Variants in SPO11 observed in about 807,000 individuals in gnomAD.
The protein encoded by SPO11 is meiotic recombination protein SPO11.
SPO11 carries 49 observed loss-of-function variants against 51.6 expected under a neutral mutation model. The observed-to-expected ratio is 0.95, with a 90% confidence interval of 0.75 to 1.20. SPO11 has a LOEUF of 1.20. SPO11 is among the 50% of genes most tolerant of loss of function. The probability of loss-of-function intolerance (pLI) is 0.00; values close to 1 mark genes in which losing one functional copy is unlikely to be tolerated. For synonymous variants in SPO11, 176 were observed against 158.2 expected (o/e 1.11, Z -0.84); for missense variants, 431 against 473.4 (o/e 0.91, Z 0.83).
At chr20:57,330,459 C>T (rs1243805868) in intron 1 of SPO11, among the ~76,000 whole-genome samples, 1 of 151,804 alleles carries the variant, frequency 6.6e-6, no homozygotes, top group Non-Finnish European at 1.5e-5. Context: ...ATGGTTTTCT[C>T]AGAATTAACA....
At chr20:57,331,516 A>T (rs2066449951) in intron 1 of SPO11, among the ~76,000 whole-genome samples, 1 of 152,254 alleles carries the variant, frequency 6.6e-6, no homozygotes, top group Non-Finnish European at 1.5e-5. Context: ...ATAAAATTAC[A>T]GTTGTAAATT....
intron 2 of SPO11, among the ~76,000 whole-genome samples, chr20:57,332,299 A>C (rs932104972): frequency 1.3e-5 from 2 of 152,212 alleles, no homozygotes; most frequent in African/African-American, 4.8e-5. Context: ...TGCAATTCTC[A>C]CATATGCCAC....
At position 57,331,875 on chromosome 20, in the gene SPO11, A is replaced by G; in HGVS notation, c.174A>G (p.Ile58Met). 6.2e-7 allele frequency: 1 copy of G among 1,607,994 alleles called. No individual in the cohort carries two copies. The highest frequency in any genetic ancestry group is 1.1e-5 in the South Asian group (1 of 89,566). ...CTATAGAAAATATTATCCAAGACATAATCACAAGCTTGGCAAGAAATGAAG... is the reference window on the plus strand; with the variant it reads ...CTATAGAAAATATTATCCAAGACATGATCACAAGCTTGGCAAGAAATGAAG... ...LASIENIIQDIITSLARNEAP... is the reference protein window; with the variant it reads ...LASIENIIQDMITSLARNEAP... Residue 58 changes from isoleucine (I) to methionine (M), a missense_variant, in exon 2 of 13, where the codon ATA (isoleucine) becomes ATG (methionine). By Grantham distance (10) the Ile-to-Met change is conservative (BLOSUM62 1). This residue lies in a region of SPO11 where 405 missense variants were observed against 425.9 expected (regional missense o/e 0.95). Transcript: ENST00000371263.
chr20:57,342,861 C>G (rs781236665), intron 12 of SPO11, 21 bp downstream of exon 12: 3 of 1,514,960 alleles, frequency 2.0e-6, no homozygotes, highest in Non-Finnish European at 2.7e-6. Context: ...TTTTACAACT[C>G]AAGTGTTGCA....
chr20:57,336,699 G>A (rs567041320), intron 8 of SPO11, among the ~76,000 whole-genome samples: 63 of 152,096 alleles, frequency 4.1e-4, no homozygotes, highest in Admixed American at 9.2e-4. Context: ...TTTTCACCAG[G>A]TCCTTTAACC....
intron 8 of SPO11, among the ~76,000 whole-genome samples, chr20:57,337,442 A>T (rs1004237430): frequency 6.6e-6 from 1 of 152,170 alleles, no homozygotes; most frequent in Non-Finnish European, 1.5e-5. Flanking sequence ...TACTCATTCA[A>T]GTTCATGCTG....
chr20:57,334,970 A>T, intron 6 of SPO11, 134 bp downstream of exon 6: 5 of 681,068 alleles, frequency 7.3e-6, no homozygotes. Context: ...GATGGATAGG[A>T]ATATGCTTTA....
intron 3 of SPO11, 42 bp downstream of exon 3, chr20:57,333,318 A>G: frequency 7.1e-7 from 1 of 1,413,134 alleles, no homozygotes; most frequent in Non-Finnish European, 9.7e-7. Flanking sequence ...AAGGATAAAT[A>G]AATTTTGTTA....
Position 57,335,896 on chromosome 20 carries a change from A to G in SPO11, c.733A>G (p.Ile245Val). 2.5e-6 allele frequency: 4 copies of G among 1,600,382 alleles called. No homozygotes were observed. Among genetic ancestry groups the G allele is most frequent in the Non-Finnish European group, 3.4e-6 (4 of 1,167,858 alleles). Residue 245 changes from isoleucine (I) to valine (V), a missense_variant, in exon 8 of 13, where the codon ATC (isoleucine) becomes GTC (valine). Transcript: ENST00000371263. ...CTTTTGCAACAAATTGTCTCCTTGC[A>G]TCATGATTACGGTATATTATCTAAC... ...DNFCNKLSPC[I>V]MITGKGVPDL...
chr20:57,340,040 A>G (rs2066561945), intron 10 of SPO11, 62 bp from the exon 11 acceptor site: 2 of 1,175,484 alleles, frequency 1.7e-6, no homozygotes, highest in African/African-American at 3.0e-5. Flanking sequence ...TTGACTGAAA[A>G]ACAAGAATGC....
rs1183818852 is a variant in SPO11, at chr20:57,335,864, A to G, written c.701A>G (p.Asp234Gly). ...EKDATFQRLLDDNFCNKLSPC... is the reference protein window; with the variant it reads ...EKDATFQRLLGDNFCNKLSPC... ...GATGCAACATTTCAGCGGCTCCTAG[A>G]TGACAACTTTTGCAACAAATTGTCT... The change falls in exon 8 of 13, where the codon GAT becomes GGT. Residue 234 changes from aspartate (D) to glycine (G), a missense_variant. Coordinates refer to ENST00000371263, the MANE Select transcript of SPO11 (RefSeq NM_012444.3). 1 of 1,613,272 alleles carries G rather than the reference A, an allele frequency of 6.2e-7. No homozygotes were observed. The highest frequency in any genetic ancestry group is 8.5e-7 in the Non-Finnish European group (1 of 1,179,648).
At chr20:57,330,247 C>T (rs890119737) in intron 1 of SPO11, among the ~76,000 whole-genome samples, 1 of 152,192 alleles carries the variant, frequency 6.6e-6, no homozygotes, top group Non-Finnish European at 1.5e-5. Context: ...CTAGAACGTT[C>T]CAGAGGCTCC....
In SPO11 at chr20:57,333,255, C is replaced by T; in HGVS notation, c.313C>T (p.Pro105Ser). ...CTTRKIKSDS[P>S]KSAQKFSLIL... ...CACCAGAAAGATCAAAAGTGATTCA[C>T]CAAAATCAGCTCAAAAATTTTGTAA... is the stretch of plus-strand genomic sequence containing the variant. Residue 105 changes from proline (P) to serine (S), a missense_variant, in exon 3 of 13, where the codon CCA becomes TCA. Physicochemically the swap from Pro to Ser is moderately conservative, Grantham distance 74 (BLOSUM62 -1). Coordinates refer to ENST00000371263, the MANE Select transcript of SPO11 (RefSeq NM_012444.3). The T allele has an allele frequency of 6.2e-7, 1 of 1,607,232 alleles. No individual in the cohort carries two copies. The highest frequency in any genetic ancestry group is 8.5e-7 in the Non-Finnish European group (1 of 1,178,170).
intron 9 of SPO11, 49 bp from the exon 10 acceptor site, chr20:57,338,940 C>A: frequency 1.7e-6 from 2 of 1,210,074 alleles, no homozygotes; most frequent in Non-Finnish European, 2.3e-6. Flanking sequence ...TGCAAATTAA[C>A]CTGTAATATG....
At chr20:57,342,278 T>C (rs1429795728) in intron 11 of SPO11, among the ~76,000 whole-genome samples, 2 of 152,216 alleles carry the variant, frequency 1.3e-5, no homozygotes, top group Non-Finnish European at 2.9e-5. Flanking sequence ...AAGAATTAAA[T>C]ACTCAATGGA....
intron 11 of SPO11, among the ~76,000 whole-genome samples, chr20:57,341,926 G>A (rs1272107339): frequency 6.6e-6 from 1 of 152,110 alleles, no homozygotes; most frequent in African/African-American, 2.4e-5. Context: ...AGGCTGCAAG[G>A]GAAATCCTCC....
At chr20:57,330,576 A>C (rs543651080) in intron 1 of SPO11, among the ~76,000 whole-genome samples, 1 of 152,348 alleles carries the variant, frequency 6.6e-6, no homozygotes, top group South Asian at 2.1e-4. Context: ...AATCAATTAC[A>C]GGAACCCTCC....
In SPO11 at chr20:57,340,147, TG is replaced by T; in HGVS notation, c.930del (p.Trp310CysfsTer12). 3.7e-6 allele frequency: 6 copies of T among 1,612,500 alleles called. No homozygotes were observed. Among genetic ancestry groups the T allele is most frequent in the Non-Finnish European group, 5.1e-6 (6 of 1,178,568 alleles). On this transcript the variant is annotated frameshift_variant, in exon 11 of 13. Transcript: ENST00000371263. LOFTEE classifies it high-confidence loss of function. Reference sequence around the variant, plus strand: ...TCATCTCACAGTTCCAGCTATTAGATGGCTTGGTCTTCTCCCTTCTGATCTT... The same window carrying T: ...TCATCTCACAGTTCCAGCTATTAGATGCTTGGTCTTCTCCCTTCTGATCTT... ...AHHLTVPAIR[W>X]LGLLPSDLKR...
chr20:57,340,473 C>T (rs1184161391), intron 11 of SPO11, among the ~76,000 whole-genome samples: 1 of 152,158 alleles, frequency 6.6e-6, no homozygotes, highest in Non-Finnish European at 1.5e-5. Flanking sequence ...AAGTACAATA[C>T]ATTGTAGGCC....
Sources: gnomAD v4.1 joint callset for allele counts (sites outside exome capture counted in the v4.1 genomes callset) on GRCh38, gnomAD v4.1.1 for gene constraint, gnomAD v4.1.1 regional missense constraint, MANE v1.5 for transcripts, NCBI Gene and HGNC (gene_info 2026-07-23, HGNC 2026-07-21) for gene names.